Variants in CCR7 observed in about 807,000 individuals in gnomAD.
CCR7 encodes C-C motif chemokine receptor 7.
A neutral mutation model predicts 26.0 loss-of-function variants in CCR7; 11 were observed. That is an observed-to-expected ratio of 0.42 (90% CI 0.27 to 0.70). CCR7 has a LOEUF of 0.70. Ranked by LOEUF, CCR7 falls within the 30% of genes least tolerant of loss-of-function variation. CCR7 has a pLI of 0.23. For synonymous variants in CCR7, 189 were observed against 202.1 expected, an observed-to-expected ratio of 0.94 and a Z score of 0.55; for missense variants, 360 against 504.0, an observed-to-expected ratio of 0.71 and a Z score of 2.74.
At position 40,563,622 on chromosome 17, in the gene CCR7, C is replaced by T. The variant is rs534939829; in HGVS notation, c.10+1778G>A. ...CTCCAAGGCCCACCCACCCCATCAACGGCCCAGAGAGCCCGTTTTGAGTAA... is the reference window on the plus strand; with the variant it reads ...CTCCAAGGCCCACCCACCCCATCAATGGCCCAGAGAGCCCGTTTTGAGTAA... On this transcript the variant is annotated intron_variant, in intron 1 of 2. Coordinates refer to ENST00000246657, the MANE Select transcript of CCR7 (RefSeq NM_001838.4). 7.9e-5 allele frequency among the ~76,000 whole-genome samples: 12 copies of T among 152,266 alleles called. No individual in the cohort carries two copies. The South Asian group carries it at 1.7e-3, about 21-fold the overall frequency.
At chr17:40,557,719 C>T (rs2036607244) in intron 2 of CCR7, among the ~76,000 whole-genome samples, 1 of 152,216 alleles carries the variant, frequency 6.6e-6, no homozygotes, top group Non-Finnish European at 1.5e-5. Context: ...CTGCATCATC[C>T]AGTCCTGCCT....
Position 40,558,956 on chromosome 17 carries a change from G to C in CCR7, c.11-14C>G. The C allele has an allele frequency of 6.2e-7, 1 of 1,603,348 alleles. No homozygotes were observed. Among genetic ancestry groups the C allele is most frequent in the South Asian group, 1.1e-5 (1 of 89,384 alleles). On this transcript the variant is annotated splice_polypyrimidine_tract_variant and intron_variant, in intron 1 of 2. Coordinates refer to ENST00000246657, the MANE Select transcript of CCR7 (RefSeq NM_001838.4). Reference sequence around the variant, plus strand: ...TCATTGGTTTCCCTGTAGGAGACAAGGCGAGAAAGTTATTGCTTGGCAGGG... The same window carrying C: ...TCATTGGTTTCCCTGTAGGAGACAACGCGAGAAAGTTATTGCTTGGCAGGG...
rs1407261794 is a variant in CCR7 at position 40,555,636 on chromosome 17, C to A, written c.243G>T (p.Leu81Phe). 1 of 1,614,094 alleles carries A rather than the reference C, an allele frequency of 6.2e-7. No individual in the cohort carries two copies. The highest frequency in any genetic ancestry group is 8.5e-7 in the Non-Finnish European group (1 of 1,180,026). The change falls in exon 3 of 3, where the codon TTG (leucine) becomes TTT (phenylalanine). Residue 81 changes from leucine to phenylalanine, a missense_variant. Physicochemically the swap from Leu to Phe is conservative, Grantham distance 22 (BLOSUM62 0). Coordinates refer to ENST00000246657, the MANE Select transcript of CCR7 (RefSeq NM_001838.4). This position sits in a 1 kb window ranked among gnomAD's most constrained non-coding sequence, Gnocchi z 5.6. The stretch of plus-strand genomic sequence containing the variant: ...TGAGCCTCTTGAAATAGATATAGGT[C>A]AACACGACCAGCCCATTGCCCAGTA... ...VGLLGNGLVV[L>F]TYIYFKRLKT...
At chr17:40,559,006 C>G in intron 1 of CCR7, 64 bp from the exon 2 acceptor site, 2 of 1,373,772 alleles carry the variant, frequency 1.5e-6, no homozygotes, top group Non-Finnish European at 2.0e-6. Flanking sequence ...TTAAAGAAAG[C>G]AGTGGAGGGG....
At chr17:40,561,075 G>A (rs1597724835) in intron 1 of CCR7, 3 of 152,198 alleles carry the variant, frequency 2.0e-5, no homozygotes, top group Admixed American at 2.0e-4. Context: ...GAGAAAGCCC[G>A]CTCTGACTGT....
intron 1 of CCR7, among the ~76,000 whole-genome samples, chr17:40,563,659 G>A (rs1187911461): frequency 2.6e-5 from 4 of 152,058 alleles, no homozygotes; most frequent in Non-Finnish European, 4.4e-5. Flanking sequence ...GCTTGTCAGC[G>A]GCTTCCCCTC....
chr17:40,562,406 G>A (rs1451821341), intron 1 of CCR7, among the ~76,000 whole-genome samples: 5 of 152,048 alleles, frequency 3.3e-5, no homozygotes, highest in African/African-American at 1.2e-4. Flanking sequence ...GACGCTCCAC[G>A]GAGCATGAGG....
In CCR7 at chr17:40,554,901, G is replaced by A. The variant is rs577434759; in HGVS notation, c.978C>T (p.Tyr326=). 1.4e-5 allele frequency: 22 copies of A among 1,614,220 alleles called. No homozygotes were observed. The Middle Eastern group carries it at 4.9e-4, about 36-fold the overall frequency. The part of the protein sequence containing the change: ...CVRCCVNPFL[Y]AFIGVKFRND... ...TGCGGAACTTGACGCCGATGAAGGC[G>A]TACAAGAAAGGGTTGACGCAGCAGC... Residue 326 remains tyrosine, a synonymous_variant, in exon 3 of 3, where the codon TAC becomes TAT. Transcript: ENST00000246657.
chr17:40,564,091 G>T (rs1204368150), intron 1 of CCR7, among the ~76,000 whole-genome samples: 1 of 151,916 alleles, frequency 6.6e-6, no homozygotes, highest in Non-Finnish European at 1.5e-5. Context: ...CTGTGGGATT[G>T]TGATGGGGGG....
intron 2 of CCR7, among the ~76,000 whole-genome samples, chr17:40,558,155 C>T (rs893815530): frequency 5.3e-5 from 8 of 152,234 alleles, no homozygotes; most frequent in Non-Finnish European, 1.2e-4. Flanking sequence ...CTCAGTTGGA[C>T]TCCCCTACCC....
chr17:40,560,903 C>G (rs971694431), intron 1 of CCR7: 16 of 152,328 alleles, frequency 1.1e-4, no homozygotes, highest in African/African-American at 3.9e-4. Context: ...ACCGCTCATT[C>G]CCCTTTTTCA....
intron 1 of CCR7, among the ~76,000 whole-genome samples, chr17:40,560,394 T>A (rs1036160041): frequency 2.0e-5 from 3 of 152,158 alleles, no homozygotes; most frequent in Non-Finnish European, 4.4e-5. Context: ...CACCTTCTCC[T>A]GGAGGCTGGG....
At chr17:40,561,170 T>C (rs746228534) in intron 1 of CCR7, among the ~76,000 whole-genome samples, 1 of 152,228 alleles carries the variant, frequency 6.6e-6, no homozygotes, top group Admixed American at 6.5e-5. Context: ...TGTTGAACTC[T>C]GTTGATAACC....
chr17:40,555,370 C>A lies in CCR7; in HGVS notation c.509G>T (p.Arg170Leu). 1 of 1,614,100 alleles carries A rather than the reference C, an allele frequency of 6.2e-7. No homozygotes were observed. Among genetic ancestry groups the A allele is most frequent in the South Asian group, 1.1e-5 (1 of 91,072 alleles). The change falls in exon 3 of 3, where the codon CGC (arginine) becomes CTC (leucine). Residue 170 changes from arginine to leucine, a missense_variant. Coordinates refer to ENST00000246657, the MANE Select transcript of CCR7 (RefSeq NM_001838.4). The surrounding 1 kb of genome is among the most constrained non-coding windows in gnomAD (Gnocchi z 5.6). ...QAVSAHRHRA[R>L]VLLISKLSCV... ...GGACAGCTTGCTGATGAGAAGGACGCGGGCACGGTGGCGGTGAGCTGAGAC... is the reference window on the plus strand; with the variant it reads ...GGACAGCTTGCTGATGAGAAGGACGAGGGCACGGTGGCGGTGAGCTGAGAC...
intron 1 of CCR7, among the ~76,000 whole-genome samples, chr17:40,562,422 CT>C (rs2036664955): frequency 6.6e-6 from 1 of 152,132 alleles, no homozygotes; most frequent in South Asian, 2.1e-4. Context: ...TGAGGGGAAT[CT>C]TTGCTCCCCA....
intron 2 of CCR7, among the ~76,000 whole-genome samples, 190 bp from the exon 3 acceptor site, chr17:40,556,008 G>T (rs1051267244): frequency 6.6e-6 from 1 of 151,988 alleles, no homozygotes; most frequent in African/African-American, 2.4e-5. Flanking sequence ...CCAGGCTCAG[G>T]TGATCCTTCC....
At chr17:40,557,086 C>T (rs1013404092) in intron 2 of CCR7, among the ~76,000 whole-genome samples, 1 of 152,214 alleles carries the variant, frequency 6.6e-6, no homozygotes, top group Admixed American at 6.5e-5. Context: ...TGCTCCCGCC[C>T]TCTCCCCCCA....
chr17:40,565,401 C>T lies in CCR7; in HGVS notation c.9G>A (p.Leu3=). 1.9e-6 allele frequency: 3 copies of T among 1,613,448 alleles called. No individual in the cohort carries two copies. The highest frequency in any genetic ancestry group is 2.2e-5 in the South Asian group (2 of 91,076). MD[L]GKPMKSVLVV... is the part of the protein sequence containing the mutation. ...TCTCACATGAAGAGGCTCACTCACC[C>T]AGGTCCATGACGCTCTCTGGGCGGT... Residue 3 remains leucine (L), a splice_region_variant and synonymous_variant, in exon 1 of 3, where the codon CTG becomes CTA. Coordinates refer to ENST00000246657, the MANE Select transcript of CCR7 (RefSeq NM_001838.4).
intron 1 of CCR7, among the ~76,000 whole-genome samples, chr17:40,559,779 T>C (rs1567830436): frequency 6.6e-6 from 1 of 152,290 alleles, no homozygotes; most frequent in East Asian, 1.9e-4. Flanking sequence ...AATAAATACA[T>C]GAATGACAAG....
Sources: allele counts gnomAD v4.1 joint callset (sites outside exome capture counted in the v4.1 genomes callset), GRCh38; gene constraint gnomAD v4.1.1; non-coding constraint Gnocchi (gnomAD v3.1); transcripts MANE v1.5; gene names NCBI Gene and HGNC (gene_info 2026-07-23, HGNC 2026-07-21).